The following DCAF10 variants were observed in gnomAD, a reference collection of about 807,000 sequenced individuals.
DCAF10 encodes the protein DDB1 and CUL4 associated factor 10.
Under a neutral mutation model 51.9 loss-of-function variants are expected in DCAF10, and 19 were observed. The ratio of observed to expected loss-of-function variants is 0.37; its 90% CI spans 0.26 to 0.54. DCAF10 has a LOEUF of 0.54. Ranked by LOEUF, DCAF10 falls within the 20% of genes least tolerant of loss-of-function variation. DCAF10 has a pLI of 0.87. For synonymous variants in DCAF10, 291 were observed against 297.1 expected (o/e 0.98, Z 0.21); for missense variants, 510 against 730.6 (o/e 0.70, Z 3.48).
chr9:37,811,934 C>G (rs1019777021), intron 1 of DCAF10, among the ~76,000 whole-genome samples: 1 of 152,130 alleles, frequency 6.6e-6, no homozygotes, highest in Non-Finnish European at 1.5e-5. Context: ...CCCCTGTAAT[C>G]CCAGCACTTA....
chr9:37,835,856 T>C (rs1357434876), intron 2 of DCAF10, among the ~76,000 whole-genome samples: 1 of 152,248 alleles, frequency 6.6e-6, no homozygotes, highest in African/African-American at 2.4e-5. Flanking sequence ...GAGATTGTTA[T>C]CACAGGTTTG....
At chr9:37,848,092 C>T (rs374081890) in intron 3 of DCAF10, among the ~76,000 whole-genome samples, 1 of 152,122 alleles carries the variant, frequency 6.6e-6, no homozygotes, top group South Asian at 2.1e-4. Flanking sequence ...GAAACTGGAA[C>T]CCTGATTGCT....
At chr9:37,841,302 G>A (rs1179206061) in intron 2 of DCAF10, among the ~76,000 whole-genome samples, 3 of 152,160 alleles carry the variant, frequency 2.0e-5, no homozygotes, top group Non-Finnish European at 4.4e-5. Flanking sequence ...TATCTTAGAA[G>A]AAGCACCAGA....
chr9:37,810,549 C>A (rs1422009580), intron 1 of DCAF10, among the ~76,000 whole-genome samples: 1 of 152,004 alleles, frequency 6.6e-6, no homozygotes, highest in Non-Finnish European at 1.5e-5. Context: ...GCAACCTCTG[C>A]CTCCCGGGTT....
At chr9:37,845,133 G>A (rs915330364) in intron 3 of DCAF10, among the ~76,000 whole-genome samples, 33 of 152,056 alleles carry the variant, frequency 2.2e-4, no homozygotes, top group Admixed American at 7.9e-4. Flanking sequence ...GATCAAAGAA[G>A]AAATCATACT....
At chr9:37,849,508 G>A (rs1423137045) in intron 3 of DCAF10, among the ~76,000 whole-genome samples, 1 of 152,148 alleles carries the variant, frequency 6.6e-6, no homozygotes. Context: ...ATCACTTTGG[G>A]AGGCCAAGGT....
chr9:37,838,881 A>AT (rs995898595), intron 2 of DCAF10, among the ~76,000 whole-genome samples: 1 of 151,980 alleles, frequency 6.6e-6, no homozygotes. Context: ...AAAAAAAAAA[A>AT]TTAAAAAGAA....
In DCAF10 at chr9:37,865,896, C is replaced by T. The variant is rs949832149; in HGVS notation, c.*4388C>T. On this transcript the variant is annotated 3_prime_UTR_variant, in exon 7 of 7. Transcript: ENST00000377724. ...GTCTAGAACCAAGATCACATTATAT[C>T]ATTGTTAAAATTGTGTTATCTAGAA... 3 of 152,568 alleles carry T rather than the reference C, an allele frequency of 2.0e-5. No individual in the cohort carries two copies. Among genetic ancestry groups the T allele is most frequent in the African/African-American group, 4.8e-5 (2 of 41,422 alleles). 9.5% of individuals were successfully genotyped at this position (152,568 alleles called of 1,614,324 possible). A position where few individuals can be genotyped will look rare whatever the true frequency, so the allele number is the denominator to read the frequency against.
intron 2 of DCAF10, among the ~76,000 whole-genome samples, chr9:37,830,076 T>C (rs1829964298): frequency 1.4e-5 from 2 of 146,208 alleles, no homozygotes; most frequent in South Asian, 4.1e-4. Flanking sequence ...AGATTCATTA[T>C]AGCATTGTTT....
intron 2 of DCAF10, among the ~76,000 whole-genome samples, chr9:37,841,309 C>T (rs1451364697): frequency 3.9e-5 from 6 of 152,092 alleles, no homozygotes; most frequent in African/African-American, 1.4e-4. Flanking sequence ...GAAGAAGCAC[C>T]AGAATTCATT....
chr9:37,811,853 G>A (rs965839414), intron 1 of DCAF10, among the ~76,000 whole-genome samples: 1 of 152,146 alleles, frequency 6.6e-6, no homozygotes, highest in Non-Finnish European at 1.5e-5. Context: ...AAAAGACATT[G>A]TAGATTCAAG....
intron 2 of DCAF10, among the ~76,000 whole-genome samples, chr9:37,830,975 C>A (rs759801691): frequency 9.9e-5 from 15 of 152,206 alleles, no homozygotes; most frequent in East Asian, 1.9e-4. Flanking sequence ...GTAATCCCAG[C>A]ACTTTGGGAG....
At chr9:37,828,955 C>CAAAAAGCAT (rs1479060374) in intron 2 of DCAF10, among the ~76,000 whole-genome samples, 2 of 151,868 alleles carry the variant, frequency 1.3e-5, no homozygotes, top group African/African-American at 4.8e-5. Flanking sequence ...TTTTTAGATA[C>CAAAAAGCAT]AAAAAGCATA....
intron 1 of DCAF10, among the ~76,000 whole-genome samples, chr9:37,808,173 C>A (rs1829180950): frequency 6.6e-6 from 1 of 151,904 alleles, no homozygotes; most frequent in Non-Finnish European, 1.5e-5. Context: ...GTGGTTCATA[C>A]CTGTGATCCC....
chr9:37,854,050 A>T (rs568376507), intron 3 of DCAF10, among the ~76,000 whole-genome samples: 1 of 152,220 alleles, frequency 6.6e-6, no homozygotes, highest in Admixed American at 6.5e-5. Context: ...AATTATTAAC[A>T]TAAAAAGTAA....
chr9:37,800,610 C>T (rs1053079304), upstream of DCAF10: 3 of 1,536,024 alleles, frequency 2.0e-6, no homozygotes, highest in African/African-American at 4.1e-5. Context: ...GACTCTGCCA[C>T]CCAGATCAGG....
chr9:37,821,818 T>C (rs757875435), intron 2 of DCAF10, among the ~76,000 whole-genome samples: 1 of 151,978 alleles, frequency 6.6e-6, no homozygotes, highest in Non-Finnish European at 1.5e-5. Context: ...GTTGGCAGAA[T>C]AAACAGACAA....
chr9:37,838,364 C>T (rs1055701089), intron 2 of DCAF10, among the ~76,000 whole-genome samples: 5 of 151,900 alleles, frequency 3.3e-5, no homozygotes, highest in African/African-American at 7.3e-5. Context: ...GGACACTCTC[C>T]TAACTGCTGA....
At chr9:37,845,873 G>C (rs1317702894) in intron 3 of DCAF10, among the ~76,000 whole-genome samples, 7 of 152,272 alleles carry the variant, frequency 4.6e-5, no homozygotes, top group Non-Finnish European at 8.8e-5. Flanking sequence ...GAAAAAATGA[G>C]TTAAAAACTA....
Sources: gnomAD v4.1 joint callset for allele counts (sites outside exome capture counted in the v4.1 genomes callset) on GRCh38, gnomAD v4.1.1 for gene constraint, MANE v1.5 for transcripts, NCBI Gene and HGNC (gene_info 2026-07-23, HGNC 2026-07-21) for gene names.